The following DLG2 variants were observed in gnomAD, a reference collection of about 807,000 sequenced individuals.
DLG2 encodes discs large MAGUK scaffold protein 2, also known as disks large homolog 2.
Under a neutral mutation model 132.5 loss-of-function variants are expected in DLG2, and 45 were observed. The ratio of observed to expected loss-of-function variants is 0.34; its 90% confidence interval spans 0.27 to 0.44. DLG2 has a LOEUF of 0.44. Ranked by LOEUF, DLG2 falls within the 20% of genes least tolerant of loss-of-function variation. The probability of loss-of-function intolerance (pLI) is 1.00; values close to 1 mark genes in which losing one functional copy is unlikely to be tolerated. For synonymous variants in DLG2, 424 were observed against 419.6 expected (o/e 1.01, Z -0.13); for missense variants, 1,045 against 1,196.9 (o/e 0.87, Z 1.87).
intron 22 of DLG2, 73 bp from the exon 23 acceptor site, chr11:83,472,850 C>T (rs2092230670): frequency 1.6e-6 from 2 of 1,260,010 alleles, no homozygotes; most frequent in Non-Finnish European, 2.3e-6. Context: ...TGCTCTGAAA[C>T]ACAGGAAACA....
chr11:85,199,265 A>G (rs2081282646), intron 4 of DLG2, among the ~76,000 whole-genome samples: 1 of 152,186 alleles, frequency 6.6e-6, no homozygotes, highest in African/African-American at 2.4e-5. Flanking sequence ...GAACCTCAAA[A>G]TCATTATATT....
chr11:85,388,425 C>T (rs1175143102), intron 3 of DLG2, among the ~76,000 whole-genome samples: 1 of 152,134 alleles, frequency 6.6e-6, no homozygotes, highest in Non-Finnish European at 1.5e-5. Flanking sequence ...CTGCCCACCA[C>T]CTGAGAAACC....
chr11:83,722,544 C>T (rs1364303956), intron 18 of DLG2, among the ~76,000 whole-genome samples: 1 of 152,102 alleles, frequency 6.6e-6, no homozygotes, highest in Non-Finnish European at 1.5e-5. Context: ...AGTTTACCTC[C>T]TCACCTCCAG....
At chr11:84,325,025 C>G (rs189762422) in intron 7 of DLG2, among the ~76,000 whole-genome samples, 3 of 151,990 alleles carry the variant, frequency 2.0e-5, no homozygotes, top group African/African-American at 4.8e-5. Flanking sequence ...TCTTGCCTAC[C>G]TACTCTGGCT....
intron 7 of DLG2, among the ~76,000 whole-genome samples, chr11:84,309,774 G>A (rs1394978196): frequency 3.3e-5 from 5 of 152,180 alleles, no homozygotes; most frequent in Non-Finnish European, 5.9e-5. Context: ...GAGATAGAAC[G>A]TTTGTATGAG....
intron 11 of DLG2, among the ~76,000 whole-genome samples, chr11:84,047,279 T>C (rs527390794): frequency 9.2e-5 from 14 of 151,674 alleles, no homozygotes; most frequent in Non-Finnish European, 1.5e-4. Flanking sequence ...AGATGATTGT[T>C]TTCTGTGCAT....
intron 6 of DLG2, among the ~76,000 whole-genome samples, chr11:84,797,385 T>A (rs2074780351): frequency 6.6e-6 from 1 of 152,208 alleles, no homozygotes; most frequent in Non-Finnish European, 1.5e-5. Flanking sequence ...TATGAGGGTA[T>A]TTCTACATCT....
intron 7 of DLG2, among the ~76,000 whole-genome samples, chr11:84,415,260 T>C (rs603628): frequency 0.13 from 19,080 of 152,228 alleles, 1,278 homozygotes; most frequent in African/African-American, 0.18. Flanking sequence ...TGTCATTGCA[T>C]GCACCTGCTA....
intron 20 of DLG2, among the ~76,000 whole-genome samples, chr11:83,537,319 A>T (rs1284763184): frequency 1.3e-5 from 2 of 152,136 alleles, no homozygotes; most frequent in Non-Finnish European, 2.9e-5. Context: ...CAGTGGGAAC[A>T]TCATTTGTCC....
chr11:83,716,120 C>T (rs995300430), intron 18 of DLG2, among the ~76,000 whole-genome samples: 1 of 152,172 alleles, frequency 6.6e-6, no homozygotes, highest in Non-Finnish European at 1.5e-5. Flanking sequence ...TAAAGATCTG[C>T]TTAGTACATT....
intron 7 of DLG2, among the ~76,000 whole-genome samples, chr11:84,512,977 G>A (rs575142337): frequency 6.6e-6 from 1 of 152,010 alleles, no homozygotes; most frequent in South Asian, 2.1e-4. Flanking sequence ...ATACACACTG[G>A]GGCCTGTTGG....
intron 14 of DLG2, among the ~76,000 whole-genome samples, chr11:83,935,590 T>C (rs73508279): frequency 0.021 from 3,129 of 152,272 alleles, 98 homozygotes; most frequent in African/African-American, 0.071. Context: ...TGTAAGAACC[T>C]ATTCGCTCCC....
Position 85,128,908 on chromosome 11 carries a change from T to C in DLG2, c.283-17173A>G, listed in dbSNP as rs770682540. On this transcript the variant is annotated intron_variant, in intron 5 of 27. Transcript: ENST00000376104. Reference sequence around the variant, plus strand: ...TATACTATATACACATTTTTCCATATACCAGGAATTGTGCTAAGTACTTTA... The same window carrying C: ...TATACTATATACACATTTTTCCATACACCAGGAATTGTGCTAAGTACTTTA... Among the ~76,000 whole-genome samples, 192 of 152,198 alleles carry C rather than the reference T, an allele frequency of 1.3e-3. 3 individuals carry two copies. Among genetic ancestry groups the C allele is most frequent in the Admixed American group, 1.8e-3 (27 of 15,274 alleles).
At chr11:85,470,209 T>C (rs2092937523) in intron 3 of DLG2, among the ~76,000 whole-genome samples, 3 of 149,354 alleles carry the variant, frequency 2.0e-5, no homozygotes, top group East Asian at 1.9e-4. Context: ...ATTAATCTAC[T>C]TGGTTTTTTT....
At chr11:83,849,992 C>A (rs2059373664) in intron 16 of DLG2, among the ~76,000 whole-genome samples, 1 of 151,982 alleles carries the variant, frequency 6.6e-6, no homozygotes, top group Non-Finnish European at 1.5e-5. Flanking sequence ...TGGTGCTGTG[C>A]TTGGCGCTGG....
At chr11:84,324,173 C>A (rs1336271733) in intron 7 of DLG2, among the ~76,000 whole-genome samples, 4 of 151,874 alleles carry the variant, frequency 2.6e-5, no homozygotes. Flanking sequence ...TATTTTTATC[C>A]AGGAGTTTTA....
At chr11:84,191,149 C>A (rs761956162) in intron 8 of DLG2, among the ~76,000 whole-genome samples, 1 of 152,126 alleles carries the variant, frequency 6.6e-6, no homozygotes, top group African/African-American at 2.4e-5. Flanking sequence ...TGGAGAAAGT[C>A]AGATTTTTTT....
chr11:84,553,561 G>A (rs549604999), intron 6 of DLG2, among the ~76,000 whole-genome samples: 2 of 152,260 alleles, frequency 1.3e-5, no homozygotes, highest in Admixed American at 1.3e-4. Context: ...AGATATCACA[G>A]TCTACTCTTA....
chr11:83,928,869 A>C (rs980176272), intron 15 of DLG2, among the ~76,000 whole-genome samples: 2 of 152,218 alleles, frequency 1.3e-5, no homozygotes, highest in African/African-American at 2.4e-5. Context: ...TATGTAGCTG[A>C]CTATAGGTAC....
Sources: allele counts gnomAD v4.1 joint callset (sites outside exome capture counted in the v4.1 genomes callset), GRCh38; gene constraint gnomAD v4.1.1; transcripts MANE v1.5; gene names NCBI Gene and HGNC (gene_info 2026-07-23, HGNC 2026-07-21).